Variants in MYO18B observed in about 807,000 individuals in gnomAD.
The protein encoded by MYO18B is myosin XVIIIB.
A neutral mutation model predicts 273.0 loss-of-function variants in MYO18B; 204 were observed. The ratio of observed to expected loss-of-function variants is 0.75; its 90% CI spans 0.67 to 0.84. The LOEUF is 0.84. MYO18B is among the 40% of genes least tolerant of loss of function. MYO18B has a pLI of 0.00. For synonymous variants in MYO18B, 1,330 were observed against 1,305.7 expected, an observed-to-expected ratio of 1.02 and a Z score of -0.40; for missense variants, 3,212 against 3,287.6, an observed-to-expected ratio of 0.98 and a Z score of 0.56.
At chr22:26,060,819 CATACATAT>C in the MYO18B span, among the ~76,000 whole-genome samples, 1 of 139,248 alleles carries the variant, frequency 7.2e-6, no homozygotes, top group South Asian at 2.8e-4. Flanking sequence ...TAAACACATG[CATACATAT>C]ATACATATAC....
At chr22:26,029,368 C>G (rs1223446612) in intron 43 of MYO18B, among the ~76,000 whole-genome samples, 1 of 152,106 alleles carries the variant, frequency 6.6e-6, no homozygotes, top group Non-Finnish European at 1.5e-5. Flanking sequence ...AAGCCATTGC[C>G]CCTTCCGTGG....
chr22:25,960,514 C>T (rs1322895796), intron 39 of MYO18B, among the ~76,000 whole-genome samples: 1 of 152,166 alleles, frequency 6.6e-6, no homozygotes, highest in Non-Finnish European at 1.5e-5. Context: ...ATCCAGGTGT[C>T]CTTTTCACAA....
chr22:26,025,623 T>TG (rs1479663586), intron 42 of MYO18B, among the ~76,000 whole-genome samples: 1 of 152,066 alleles, frequency 6.6e-6, no homozygotes, highest in Admixed American at 6.5e-5. Flanking sequence ...ATAACTTTGG[T>TG]GAGGGGAGGG....
chr22:25,964,612 G>A (rs1014838376), intron 39 of MYO18B, among the ~76,000 whole-genome samples: 1 of 152,084 alleles, frequency 6.6e-6, no homozygotes, highest in African/African-American at 2.4e-5. Context: ...TAGCATCCCT[G>A]TCCTCTACCT....
At chr22:25,752,668 A>T (rs116018240) in intron 1 of MYO18B, among the ~76,000 whole-genome samples, 46,425 of 151,412 alleles carry the variant, frequency 0.31, 7,494 homozygotes, top group South Asian at 0.42. Context: ...TTAAAAAAAA[A>T]TTTTTTTAGA....
intron 34 of MYO18B, among the ~76,000 whole-genome samples, chr22:25,926,229 T>C (rs1290746466): frequency 1.3e-5 from 2 of 151,624 alleles, no homozygotes; most frequent in African/African-American, 4.8e-5. Flanking sequence ...AAAAAAGAAA[T>C]TAGAACATGT....
chr22:26,008,445 C>A (rs992860833), intron 42 of MYO18B, among the ~76,000 whole-genome samples: 2 of 152,160 alleles, frequency 1.3e-5, no homozygotes, highest in African/African-American at 4.8e-5. Context: ...TTGGATATAT[C>A]CCATTTGACT....
intron 30 of MYO18B, chr22:25,902,992 G>A: frequency 2.4e-6 from 1 of 413,110 alleles, no homozygotes; most frequent in Non-Finnish European, 4.5e-6. Flanking sequence ...TTACCTGGGA[G>A]GTATAACAGG....
At chr22:26,021,464 G>A (rs1935812477) in intron 42 of MYO18B, among the ~76,000 whole-genome samples, 1 of 152,196 alleles carries the variant, frequency 6.6e-6, no homozygotes, top group Non-Finnish European at 1.5e-5. Context: ...TGTTTATGGA[G>A]CACCTACAAT....
chr22:25,928,891 G>C (rs563787462), intron 34 of MYO18B, among the ~76,000 whole-genome samples: 1 of 152,082 alleles, frequency 6.6e-6, no homozygotes, highest in East Asian at 1.9e-4. Context: ...GCCAGGCATG[G>C]TGGCTCATGC....
At chr22:25,930,269 C>T (rs965110184) in intron 34 of MYO18B, among the ~76,000 whole-genome samples, 1 of 152,160 alleles carries the variant, frequency 6.6e-6, no homozygotes, top group Non-Finnish European at 1.5e-5. Context: ...TAGTACTTGT[C>T]ACTCCCTGTA....
intron 23 of MYO18B, among the ~76,000 whole-genome samples, chr22:25,875,151 C>G (rs150822343): frequency 2.2e-3 from 335 of 152,222 alleles, no homozygotes; most frequent in African/African-American, 7.6e-3. Context: ...GTGGGCAACC[C>G]CACTGGCCTT....
At chr22:25,997,958 AACACACACAC>A (rs993922964) in intron 40 of MYO18B, among the ~76,000 whole-genome samples, 1 of 105,706 alleles carries the variant, frequency 9.5e-6, no homozygotes, top group Non-Finnish European at 2.0e-5. Flanking sequence ...CACACACACA[AACACACACAC>A]ACACACACAC....
chr22:25,966,652 G>A (rs1265274468), intron 39 of MYO18B, among the ~76,000 whole-genome samples: 1 of 152,040 alleles, frequency 6.6e-6, no homozygotes, highest in African/African-American at 2.4e-5. Context: ...ACTCCTAATG[G>A]CCTCCCGCAT....
chr22:25,975,497 A>G (rs1309794663), intron 39 of MYO18B, among the ~76,000 whole-genome samples: 1 of 152,204 alleles, frequency 6.6e-6, no homozygotes, highest in East Asian at 1.9e-4. Context: ...CTTTCGATAT[A>G]CCATCTAATT....
intron 1 of MYO18B, among the ~76,000 whole-genome samples, chr22:25,755,857 T>G (rs146687703): frequency 2.6e-5 from 4 of 152,202 alleles, no homozygotes; most frequent in African/African-American, 7.2e-5. Context: ...GTGCAGTGCT[T>G]CTTGTACAGC....
intron 42 of MYO18B, among the ~76,000 whole-genome samples, chr22:26,005,697 A>G (rs975508972): frequency 1.3e-5 from 2 of 152,214 alleles, no homozygotes; most frequent in African/African-American, 2.4e-5. Flanking sequence ...AGAAGGCCCA[A>G]TATGATAAGA....
At chr22:25,753,565 T>C (rs1475272930) in intron 1 of MYO18B, among the ~76,000 whole-genome samples, 6 of 152,166 alleles carry the variant, frequency 3.9e-5, no homozygotes, top group African/African-American at 1.4e-4. Flanking sequence ...TTTCGCTCTT[T>C]GCAATAATTC....
At chr22:25,923,992 T>C (rs897147979) in intron 34 of MYO18B, among the ~76,000 whole-genome samples, 2 of 152,216 alleles carry the variant, frequency 1.3e-5, no homozygotes, top group African/African-American at 4.8e-5. Context: ...CTCATTCTTC[T>C]GAAAGTCCTT....
Sources: allele counts gnomAD v4.1 joint callset (sites outside exome capture counted in the v4.1 genomes callset), GRCh38; gene constraint gnomAD v4.1.1; transcripts MANE v1.5; gene names NCBI Gene and HGNC (gene_info 2026-07-23, HGNC 2026-07-21).